SESN3: variants seen among roughly 807,000 people sequenced by gnomAD.
The protein encoded by SESN3 is sestrin 3.
Under a neutral mutation model 55.3 loss-of-function variants are expected in SESN3, and 21 were observed. The observed-to-expected ratio is 0.38, with a 90% CI of 0.27 to 0.55. SESN3 has a LOEUF of 0.55. Ranked by LOEUF, SESN3 falls within the 20% of genes least tolerant of loss-of-function variation. The probability of loss-of-function intolerance (pLI) is 0.76; values close to 1 mark genes in which losing one functional copy is unlikely to be tolerated. For synonymous variants in SESN3, 181 were observed against 203.1 expected (o/e 0.89, Z 0.93); for missense variants, 408 against 604.3 (o/e 0.68, Z 3.41).
At chr11:95,178,314 CAT>C (rs1859996512) in intron 7 of SESN3, among the ~76,000 whole-genome samples, 1 of 152,178 alleles carries the variant, frequency 6.6e-6, no homozygotes, top group East Asian at 1.9e-4. Context: ...CTTTAGGAGT[CAT>C]ATCACTGCTG....
In SESN3 at chr11:95,173,176, G is replaced by A. The variant is rs1859886756; in HGVS notation, c.*79C>T. On this transcript the variant is annotated 3_prime_UTR_variant, in exon 10 of 10. Coordinates refer to ENST00000536441, the MANE Select transcript of SESN3 (RefSeq NM_144665.4). ...ACTAGAGAACTGAATAATTTTTGAT[G>A]CTATATCACAAATAGCTTCAATGTT... 6.5e-6 allele frequency: 5 copies of A among 774,178 alleles called. No individual in the cohort carries two copies. Among genetic ancestry groups the A allele is most frequent in the Non-Finnish European group, 8.4e-6 (4 of 475,212 alleles). 48.0% of individuals were successfully genotyped at this position (774,178 alleles called of 1,614,324 possible).
chr11:95,217,089 G>C (rs539196086), intron 1 of SESN3, among the ~76,000 whole-genome samples: 49 of 146,688 alleles, frequency 3.3e-4, no homozygotes, highest in Non-Finnish European at 2.1e-4. Context: ...CTGGACAACA[G>C]AGCAAGACTC....
Position 95,186,686 on chromosome 11 carries a change from A to G in SESN3, c.526-1194T>C, listed in dbSNP as rs542635921. On this transcript the variant is annotated intron_variant, in intron 4 of 9. Coordinates refer to ENST00000536441, the MANE Select transcript of SESN3 (RefSeq NM_144665.4). ...AATTAATCTGGTCATTGTACATTAT[A>G]TATTATCAAAATATCACTATGTACC... Among the ~76,000 whole-genome samples the G allele has an allele frequency of 1.9e-4, 29 of 152,078 alleles. No homozygotes were observed. The South Asian group carries it at 5.8e-3, about 30-fold the overall frequency.
At chr11:95,190,045 G>A in intron 3 of SESN3, 84 bp from the exon 4 acceptor site, 3 of 1,022,598 alleles carry the variant, frequency 2.9e-6, no homozygotes, top group Non-Finnish European at 2.8e-6. Context: ...AATTCAGATG[G>A]AGCTAATGAT....
At chr11:95,222,980 G>T (rs1334446690) in intron 1 of SESN3, among the ~76,000 whole-genome samples, 2 of 152,128 alleles carry the variant, frequency 1.3e-5, no homozygotes, top group East Asian at 3.8e-4. Flanking sequence ...CCCGCCATCT[G>T]TACTCCTACC....
Position 95,171,556 on chromosome 11 carries a change from A to G in SESN3, c.*1699T>C, listed in dbSNP as rs986125248. On this transcript the variant is annotated 3_prime_UTR_variant, in exon 10 of 10. Transcript: ENST00000536441. ...ATAAATGGAAGAGGAAAATGATTTCATGAAACACTAGTTCACGATTCTTTC... is the reference window on the plus strand; with the variant it reads ...ATAAATGGAAGAGGAAAATGATTTCGTGAAACACTAGTTCACGATTCTTTC... 1.3e-5 allele frequency: 2 copies of G among 152,214 alleles called. No individual in the cohort carries two copies. The highest frequency in any genetic ancestry group is 4.8e-5 in the African/African-American group (2 of 41,472). The allele number at this position is 152,214 out of a possible 1,614,324, so 9.4% of individuals were successfully genotyped here. A position where few individuals can be genotyped will look rare whatever the true frequency, so the allele number is the denominator to read the frequency against.
intron 6 of SESN3, 186 bp downstream of exon 6, chr11:95,184,234 C>A (rs1300556931): frequency 1.6e-6 from 1 of 606,462 alleles, no homozygotes. Context: ...TCAACTCAAT[C>A]TGAAATACAT....
intron 1 of SESN3, among the ~76,000 whole-genome samples, chr11:95,212,297 A>G (rs987674957): frequency 1.3e-5 from 2 of 152,134 alleles, no homozygotes; most frequent in African/African-American, 4.8e-5. Context: ...ATAGTTTTCC[A>G]TTTTTAGCTA....
intron 1 of SESN3, among the ~76,000 whole-genome samples, chr11:95,198,223 A>G (rs1315910241): frequency 6.6e-6 from 1 of 152,122 alleles, no homozygotes; most frequent in Admixed American, 6.6e-5. Context: ...AATAATATCA[A>G]TTCTAGACTG....
At chr11:95,196,586 A>G (rs935979562) in intron 1 of SESN3, among the ~76,000 whole-genome samples, 1 of 152,164 alleles carries the variant, frequency 6.6e-6, no homozygotes, top group South Asian at 2.1e-4. Context: ...TAACTTTTCT[A>G]AAGTCTCTAG....
At chr11:95,185,580 T>C in intron 4 of SESN3, 88 bp from the exon 5 acceptor site, 1 of 836,712 alleles carries the variant, frequency 1.2e-6, no homozygotes, top group Non-Finnish European at 2.0e-6. Flanking sequence ...TTTTCATATA[T>C]CCACTTAGAG....
At position 95,191,407 on chromosome 11, in the gene SESN3, T is replaced by C; in HGVS notation, c.339A>G (p.Ile113Met). ...ACATAGGAAAATAAGCACCCACCAT[T>C]ATTGCAATATAGTGCCTGTATGGTA... Reference protein sequence around the residue: ...LPLPYRHYIAIMAAARHQCSY... With the variant: ...LPLPYRHYIAMMAAARHQCSY... Residue 113 changes from isoleucine to methionine, a missense_variant, in exon 3 of 10, where the codon ATA becomes ATG. By Grantham distance (10) the Ile-to-Met change is conservative (BLOSUM62 1). Transcript: ENST00000536441. The C allele has an allele frequency of 6.2e-7, 1 of 1,609,028 alleles. No homozygotes were observed. Among genetic ancestry groups the C allele is most frequent in the Non-Finnish European group, 8.5e-7 (1 of 1,175,746 alleles).
chr11:95,190,249 G>C (rs1035092811), intron 3 of SESN3, among the ~76,000 whole-genome samples: 2 of 151,792 alleles, frequency 1.3e-5, no homozygotes, highest in African/African-American at 4.8e-5. Flanking sequence ...AGGAAATACA[G>C]GTCCATTTCA....
chr11:95,166,125 C>G lies in SESN3; in HGVS notation c.*7130G>C, dbSNP rs770303513. On this transcript the variant is annotated 3_prime_UTR_variant, in exon 10 of 10. Coordinates refer to ENST00000536441, the MANE Select transcript of SESN3 (RefSeq NM_144665.4). ...GACCGCCATTTGACACTGAAACTTGCGTGAATCCTAAATTGCATCAATTAT... is the reference window on the plus strand; with the variant it reads ...GACCGCCATTTGACACTGAAACTTGGGTGAATCCTAAATTGCATCAATTAT... 2 of 152,044 alleles carry G rather than the reference C, an allele frequency of 1.3e-5. No homozygotes were observed. The highest frequency in any genetic ancestry group is 4.8e-5 in the African/African-American group (2 of 41,400). 9.4% of individuals were successfully genotyped at this position (152,044 alleles called of 1,614,324 possible).
chr11:95,188,608 ATACTC>A (rs1214855254), intron 4 of SESN3, among the ~76,000 whole-genome samples: 3 of 151,948 alleles, frequency 2.0e-5, no homozygotes, highest in Non-Finnish European at 2.9e-5. Flanking sequence ...ATAATATTAA[ATACTC>A]TATTCTTTCT....
At chr11:95,207,013 T>C (rs1465134499) in intron 1 of SESN3, among the ~76,000 whole-genome samples, 2 of 152,050 alleles carry the variant, frequency 1.3e-5, no homozygotes, top group African/African-American at 4.8e-5. Context: ...ACTCCTGACC[T>C]CGTGATCCAC....
chr11:95,231,812 G>C (rs991192158), upstream of SESN3: 5 of 152,194 alleles, frequency 3.3e-5, no homozygotes, highest in African/African-American at 1.2e-4. Flanking sequence ...ATCATTTATT[G>C]TGAACCTTGT....
chr11:95,201,217 C>T (rs545950256), intron 1 of SESN3: 14 of 151,984 alleles, frequency 9.2e-5, no homozygotes, highest in Admixed American at 3.9e-4. Context: ...AACTGTGAGC[C>T]CAAAGCTACA....
chr11:95,193,842 G>GTAT (rs1289944430), intron 1 of SESN3, among the ~76,000 whole-genome samples: 1 of 152,012 alleles, frequency 6.6e-6, no homozygotes, highest in Non-Finnish European at 1.5e-5. Context: ...ATAAAATAGT[G>GTAT]TTTTATAGTA....
Sources: allele counts gnomAD v4.1 joint callset (sites outside exome capture counted in the v4.1 genomes callset), GRCh38; gene constraint gnomAD v4.1.1; transcripts MANE v1.5; gene names NCBI Gene and HGNC (gene_info 2026-07-23, HGNC 2026-07-21).